PCDHGA2: variants seen among roughly 807,000 people sequenced by gnomAD.
PCDHGA2 encodes the protein protocadherin gamma-A2.
In PCDHGA2, 40 loss-of-function variants were observed where a neutral mutation model predicts 59.2. The observed-to-expected ratio is 0.68, with a 90% confidence interval of 0.52 to 0.88. PCDHGA2 has a LOEUF of 0.88. PCDHGA2 is among the 40% of genes least tolerant of loss of function. PCDHGA2 has a pLI of 0.00. For synonymous variants in PCDHGA2, 560 were observed against 526.0 expected (o/e 1.06, Z -0.89); for missense variants, 1,226 against 1,204.0 (o/e 1.02, Z -0.27).
chr5:141,437,648 A>G (rs1291089695), intron 1 of PCDHGA2, among the ~76,000 whole-genome samples: 2 of 152,204 alleles, frequency 1.3e-5, no homozygotes, highest in African/African-American at 4.8e-5. Context: ...AGAAAAGCAA[A>G]CACATAGTTT....
At chr5:141,389,039 A>C in intron 1 of PCDHGA2, 1 of 1,613,988 alleles carries the variant, frequency 6.2e-7, no homozygotes, top group Non-Finnish European at 8.5e-7. Context: ...GTAAATTGGA[A>C]GGTGATGTTC....
intron 1 of PCDHGA2, chr5:141,400,720 T>G (rs2150871186): frequency 1.5e-6 from 1 of 669,356 alleles, no homozygotes; most frequent in Non-Finnish European, 2.5e-6. Context: ...CCTTATAGAT[T>G]TACAAAGTAG....
chr5:141,345,462 C>T, intron 1 of PCDHGA2: 1 of 1,614,144 alleles, frequency 6.2e-7, no homozygotes, highest in East Asian at 2.2e-5. Flanking sequence ...AGTGACAGCC[C>T]AGGACCCAGA....
intron 1 of PCDHGA2, among the ~76,000 whole-genome samples, chr5:141,434,767 C>T (rs2097715264): frequency 6.6e-6 from 1 of 151,182 alleles, no homozygotes. Flanking sequence ...CCACTTCACA[C>T]TTCTAAAAAA....
intron 1 of PCDHGA2, chr5:141,370,273 C>A: frequency 1.2e-6 from 1 of 809,002 alleles, no homozygotes; most frequent in Non-Finnish European, 1.9e-6. Context: ...GCAGCGGAGA[C>A]ACCCATTAGA....
Position 141,510,942 on chromosome 5 carries a change from T to C in PCDHGA2, c.2573-5T>C, listed in dbSNP as rs769766039. On this transcript the variant is annotated splice_region_variant and splice_polypyrimidine_tract_variant and intron_variant, in intron 3 of 3. Transcript: ENST00000394576. ...CTCCCACCTGATCTTCCTCTGTCTCTGCAGAAGCTGCTGATGGGAGCTCCA... is the reference window on the plus strand; with the variant it reads ...CTCCCACCTGATCTTCCTCTGTCTCCGCAGAAGCTGCTGATGGGAGCTCCA... 5 of 1,613,984 alleles carry C rather than the reference T, an allele frequency of 3.1e-6. No homozygotes were observed. The highest frequency in any genetic ancestry group is 4.2e-6 in the Non-Finnish European group (5 of 1,180,014).
At chr5:141,428,400 G>C (rs373595231) in intron 1 of PCDHGA2, 4 of 483,290 alleles carry the variant, frequency 8.3e-6, no homozygotes, top group African/African-American at 2.0e-5. Flanking sequence ...CCTCTGCCTG[G>C]GGTTGCTTTC....
chr5:141,489,894 G>A lies in PCDHGA2; in HGVS notation c.2425-4913G>A, dbSNP rs942456058. 33 of 1,614,204 alleles carry A rather than the reference G, an allele frequency of 2.0e-5. No individual in the cohort carries two copies. The highest frequency in any genetic ancestry group is 2.4e-5 in the Non-Finnish European group (28 of 1,180,028). Reference sequence around the variant, plus strand: ...TGGTGCTTACTGCTGTGGATGGGGGGACCCCAGCCCGCTCAGGGACCACCC... The same window carrying A: ...TGGTGCTTACTGCTGTGGATGGGGGAACCCCAGCCCGCTCAGGGACCACCC... On this transcript the variant is annotated intron_variant, in intron 1 of 3. Coordinates refer to ENST00000394576, the MANE Select transcript of PCDHGA2 (RefSeq NM_018915.4). This position sits in a 1 kb window ranked among gnomAD's most constrained non-coding sequence, Gnocchi z 4.5.
intron 1 of PCDHGA2, chr5:141,478,393 G>A (rs2099452978): frequency 6.2e-7 from 1 of 1,613,488 alleles, no homozygotes; most frequent in South Asian, 1.1e-5. Flanking sequence ...TTTACCATCA[G>A]GTGTATCTCA....
chr5:141,452,701 G>A (rs2098747163), intron 1 of PCDHGA2, among the ~76,000 whole-genome samples: 1 of 151,838 alleles, frequency 6.6e-6, no homozygotes, highest in Non-Finnish European at 1.5e-5. Context: ...TGTCAAGAAA[G>A]AAAGGAAGGA....
intron 1 of PCDHGA2, chr5:141,422,519 C>T (rs1297821851): frequency 6.2e-7 from 1 of 1,613,968 alleles, no homozygotes; most frequent in African/African-American, 1.3e-5. Context: ...CAGGGAAGCC[C>T]GCCTTTGTCT....
At chr5:141,412,189 T>C (rs560869081) in intron 1 of PCDHGA2, 21 of 152,370 alleles carry the variant, frequency 1.4e-4, no homozygotes, top group Admixed American at 1.2e-3. Context: ...AATGCTCTGA[T>C]GAAAACAGGT....
At chr5:141,433,261 A>G (rs761584659) in intron 1 of PCDHGA2, 4 of 1,344,710 alleles carry the variant, frequency 3.0e-6, no homozygotes, top group Non-Finnish European at 4.1e-6. Context: ...CGGTACGATC[A>G]TAGCTCACTG....
rs1004176028 is a variant in PCDHGA2 at position 141,477,025 on chromosome 5, G to A, written c.2425-17782G>A. On this transcript the variant is annotated intron_variant, in intron 1 of 3. Transcript: ENST00000394576. This position sits in a 1 kb window ranked among gnomAD's most constrained non-coding sequence, Gnocchi z 4.9. ...TCGCCTTAGACCTTGTAACCGGGATGCTGACAATCAAGGGTCGGCTGGACT... is the reference window on the plus strand; with the variant it reads ...TCGCCTTAGACCTTGTAACCGGGATACTGACAATCAAGGGTCGGCTGGACT... 10 of 1,614,146 alleles carry A rather than the reference G, an allele frequency of 6.2e-6. No homozygotes were observed. Among genetic ancestry groups the A allele is most frequent in the East Asian group, 2.2e-5 (1 of 44,888 alleles).
In PCDHGA2 at chr5:141,365,423, G is replaced by A. The variant is rs182594355; in HGVS notation, c.2424+24028G>A. ...CTCTGAAGACTGTCTTCCCGGAACT[G>A]TAATCGCGCTGTTTAGCGTACATGA... On this transcript the variant is annotated intron_variant, in intron 1 of 3. Coordinates refer to ENST00000394576, the MANE Select transcript of PCDHGA2 (RefSeq NM_018915.4). 180 of 1,614,018 alleles carry A rather than the reference G, an allele frequency of 1.1e-4. No individual in the cohort carries two copies. In the East Asian group the frequency reaches 2.5e-3, roughly 23 times the overall value.
chr5:141,356,135 CTGGATTCTATGACA>C (rs779609652), intron 1 of PCDHGA2: 2 of 1,613,762 alleles, frequency 1.2e-6, no homozygotes, highest in Non-Finnish European at 1.7e-6. Context: ...TATGAGGACT[CTGGATTCTATGACA>C]TAGATGTAGA....
At chr5:141,371,631 G>A in intron 1 of PCDHGA2, 5 of 1,614,006 alleles carry the variant, frequency 3.1e-6, no homozygotes, top group Non-Finnish European at 3.4e-6. Flanking sequence ...CCTGGACCGG[G>A]AGCAGATCCC....
intron 1 of PCDHGA2, among the ~76,000 whole-genome samples, chr5:141,455,410 G>A (rs1332059386): frequency 6.6e-6 from 1 of 152,130 alleles, no homozygotes; most frequent in Non-Finnish European, 1.5e-5. Context: ...CAGAGACAGA[G>A]GGAGCGGGGC....
chr5:141,357,725 T>C (rs1760714426), intron 1 of PCDHGA2: 3 of 1,394,618 alleles, frequency 2.2e-6, no homozygotes, highest in Middle Eastern at 1.9e-4. Flanking sequence ...GTTGCCTCTT[T>C]TAATATTTTA....
Sources: allele counts gnomAD v4.1 joint callset (sites outside exome capture counted in the v4.1 genomes callset), GRCh38; gene constraint gnomAD v4.1.1; non-coding constraint Gnocchi (gnomAD v3.1); transcripts MANE v1.5; gene names NCBI Gene and HGNC (gene_info 2026-07-23, HGNC 2026-07-21).